The following CLDN10 variants were observed in gnomAD, a reference collection of about 807,000 sequenced individuals.
CLDN10 encodes claudin-10.
CLDN10 carries 15 observed loss-of-function variants against 22.9 expected under a neutral mutation model. That is an observed-to-expected ratio of 0.65 (90% CI 0.44 to 1.01). The LOEUF (loss-of-function observed/expected upper bound fraction) is 1.01, where lower values mean the gene tolerates loss of function less well. Ranked by LOEUF, CLDN10 falls within the 50% of genes least tolerant of loss-of-function variation. The pLI is 0.00. For synonymous variants in CLDN10, 114 were observed against 111.4 expected (o/e 1.02, Z -0.15); for missense variants, 247 against 287.8 (o/e 0.86, Z 1.03).
In CLDN10 at chr13:95,566,185, C is replaced by A. The variant is rs139765558; in HGVS notation, c.464+5722C>A. On this transcript the variant is annotated intron_variant, in intron 3 of 4. Transcript: ENST00000299339. ...CAAATGCTATTTCTAGTTGTAGATC[C>A]TTGAGGAATTGCTACACTGTCTTCC... Among the ~76,000 whole-genome samples the A allele has an allele frequency of 3.1e-3, 470 of 152,252 alleles. 1 individual carries two copies. The highest frequency in any genetic ancestry group is 5.9e-3 in the Non-Finnish European group (399 of 68,022).
intron 1 of CLDN10, among the ~76,000 whole-genome samples, chr13:95,525,358 T>A (rs2043269968): frequency 6.6e-6 from 1 of 152,232 alleles, no homozygotes; most frequent in Non-Finnish European, 1.5e-5. Flanking sequence ...GTTTTTATTA[T>A]TGAGTTGTAA....
chr13:95,445,210 G>A (rs1243097164), intron 1 of CLDN10, among the ~76,000 whole-genome samples: 1 of 152,232 alleles, frequency 6.6e-6, no homozygotes, highest in African/African-American at 2.4e-5. Flanking sequence ...GCAGGAGGAA[G>A]GCAAGTGCAT....
intron 1 of CLDN10, among the ~76,000 whole-genome samples, chr13:95,456,617 T>C (rs992498472): frequency 6.6e-6 from 1 of 151,772 alleles, no homozygotes; most frequent in Non-Finnish European, 1.5e-5. Context: ...AATTAGCTGG[T>C]CATGATGGAG....
intron 1 of CLDN10, among the ~76,000 whole-genome samples, chr13:95,528,808 G>A (rs1208213448): frequency 1.3e-5 from 2 of 152,180 alleles, no homozygotes; most frequent in Non-Finnish European, 2.9e-5. Context: ...TTTATTAAAT[G>A]GGTAGTTGGC....
chr13:95,507,390 T>C (rs1310447068), intron 1 of CLDN10, among the ~76,000 whole-genome samples: 4 of 152,192 alleles, frequency 2.6e-5, no homozygotes, highest in Non-Finnish European at 5.9e-5. Flanking sequence ...AGGCATGACT[T>C]CATGTATGTT....
At chr13:95,453,333 A>G in intron 1 of CLDN10, among the ~76,000 whole-genome samples, 1 of 152,150 alleles carries the variant, frequency 6.6e-6, no homozygotes, top group East Asian at 1.9e-4. Flanking sequence ...CTGGGCTCTC[A>G]TTCCACCAAC....
intron 3 of CLDN10, among the ~76,000 whole-genome samples, chr13:95,572,602 T>C (rs1204274314): frequency 2.6e-5 from 4 of 152,250 alleles, no homozygotes; most frequent in Non-Finnish European, 5.9e-5. Flanking sequence ...TTAGCTACTA[T>C]GGACATTGAC....
intron 1 of CLDN10, among the ~76,000 whole-genome samples, chr13:95,435,903 G>A (rs1334144687): frequency 6.6e-6 from 1 of 151,264 alleles, no homozygotes; most frequent in Non-Finnish European, 1.5e-5. Flanking sequence ...AGAGTCACCT[G>A]TCTCTGACTC....
chr13:95,451,829 G>T (rs993764974), intron 1 of CLDN10, among the ~76,000 whole-genome samples: 5 of 152,194 alleles, frequency 3.3e-5, no homozygotes, highest in African/African-American at 9.7e-5. Context: ...AGACCACAGG[G>T]CATGGAGACT....
At chr13:95,545,403 C>T (rs1269160856) in intron 1 of CLDN10, among the ~76,000 whole-genome samples, 1 of 151,898 alleles carries the variant, frequency 6.6e-6, no homozygotes, top group African/African-American at 2.4e-5. Context: ...ATTACCCAGG[C>T]ATGGTGGCAC....
intron 1 of CLDN10, among the ~76,000 whole-genome samples, chr13:95,477,352 C>T (rs532727085): frequency 6.6e-6 from 1 of 152,252 alleles, no homozygotes; most frequent in South Asian, 2.1e-4. Flanking sequence ...TTGTCAGATA[C>T]CTGGTCCTGG....
At chr13:95,571,024 C>A (rs2043851631) in intron 3 of CLDN10, among the ~76,000 whole-genome samples, 1 of 151,182 alleles carries the variant, frequency 6.6e-6, no homozygotes, top group African/African-American at 2.4e-5. Flanking sequence ...CTTTTAATAG[C>A]AAAAACTGCA....
intron 1 of CLDN10, among the ~76,000 whole-genome samples, chr13:95,476,135 AAT>A (rs2042684230): frequency 6.6e-6 from 1 of 152,178 alleles, no homozygotes; most frequent in Admixed American, 6.5e-5. Flanking sequence ...GAATGTGTCA[AAT>A]ATGACTTACA....
intron 1 of CLDN10, among the ~76,000 whole-genome samples, chr13:95,546,489 G>T (rs181020937): frequency 1.1e-4 from 17 of 152,166 alleles, no homozygotes. Context: ...AGAAATAAGA[G>T]AATGCCTACA....
In CLDN10 at chr13:95,552,956, C is replaced by T; in HGVS notation, c.203C>T (p.Ser68Phe). 6.2e-7 allele frequency: 1 copy of T among 1,614,002 alleles called. No homozygotes were observed. The highest frequency in any genetic ancestry group is 8.5e-7 in the Non-Finnish European group (1 of 1,179,980). Residue 68 changes from serine to phenylalanine, a missense_variant, in exon 1 of 5, where the codon TCC becomes TTC. By Grantham distance (155) the Ser-to-Phe change is radical (BLOSUM62 -2). Transcript: ENST00000299339. Reference sequence around the variant, plus strand: ...GTCTCCAACTGCAAGGACTTCCCCTCCATGCTGGCGCTGGACGGTCTGCAT... The same window carrying T: ...GTCTCCAACTGCAAGGACTTCCCCTTCATGCTGGCGCTGGACGGTCTGCAT... ...TGVSNCKDFP[S>F]MLALDGYIQA...
rs1054206769 is a variant in CLDN10, at chr13:95,578,077, C to A, written c.*63C>A. Reference sequence around the variant, plus strand: ...AAAAGCGAACTGTTCACAAAATGATCCCATCAAGGCCCTCCCATAATTAAC... The same window carrying A: ...AAAAGCGAACTGTTCACAAAATGATACCATCAAGGCCCTCCCATAATTAAC... On this transcript the variant is annotated 3_prime_UTR_variant, in exon 5 of 5. Coordinates refer to ENST00000299339, the MANE Select transcript of CLDN10 (RefSeq NM_006984.5). The A allele has an allele frequency of 1.2e-5, 10 of 825,342 alleles. No individual in the cohort carries two copies. The African/African-American group carries it at 1.7e-4, about 14-fold the overall frequency. 51.1% of individuals were successfully genotyped at this position (825,342 alleles called of 1,614,324 possible). A position where few individuals can be genotyped will look rare whatever the true frequency, so the allele number is the denominator to read the frequency against.
intron 1 of CLDN10, among the ~76,000 whole-genome samples, chr13:95,476,585 A>G (rs1239174358): frequency 3.9e-5 from 6 of 152,158 alleles, no homozygotes; most frequent in African/African-American, 1.4e-4. Context: ...AGATATTCAG[A>G]CCATAGCAGC....
intron 1 of CLDN10, among the ~76,000 whole-genome samples, chr13:95,557,936 G>T (rs762584705): frequency 1.8e-4 from 28 of 152,162 alleles, no homozygotes; most frequent in Non-Finnish European, 3.4e-4. Context: ...TGACCAGATT[G>T]TAGAATTTAA....
At chr13:95,497,582 T>C (rs984057642) in intron 1 of CLDN10, among the ~76,000 whole-genome samples, 1 of 152,322 alleles carries the variant, frequency 6.6e-6, no homozygotes, top group African/African-American at 2.4e-5. Flanking sequence ...AGTGTCATCT[T>C]TGAATGTGCA....
Sources: allele counts gnomAD v4.1 joint callset (sites outside exome capture counted in the v4.1 genomes callset), GRCh38; gene constraint gnomAD v4.1.1; transcripts MANE v1.5; gene names NCBI Gene and HGNC (gene_info 2026-07-23, HGNC 2026-07-21).